Variants in CLEC16A observed in about 807,000 individuals in gnomAD.
CLEC16A encodes the protein C-type lectin domain containing 16A.
A neutral mutation model predicts 109.5 loss-of-function variants in CLEC16A; 51 were observed. The observed-to-expected ratio is 0.47, with a 90% CI of 0.37 to 0.59. CLEC16A has a LOEUF of 0.59. Among genes scored for constraint, CLEC16A ranks in the 20% least tolerant of loss-of-function variants. The probability of loss-of-function intolerance (pLI) is 0.00; values close to 1 mark genes in which losing one functional copy is unlikely to be tolerated. For missense variants in CLEC16A, 1,339 were observed against 1,394.0 expected (o/e 0.96, Z 0.63); for synonymous variants, 673 against 564.2 (o/e 1.19, Z -2.73).
chr16:11,050,706 C>G (rs564792717), intron 17 of CLEC16A, among the ~76,000 whole-genome samples: 12 of 152,204 alleles, frequency 7.9e-5, no homozygotes, highest in Admixed American at 2.6e-4. Flanking sequence ...GCCCAGTGGC[C>G]GTGGGCATGC....
chr16:10,992,811 C>T (rs1037116428), intron 10 of CLEC16A, among the ~76,000 whole-genome samples: 4 of 152,054 alleles, frequency 2.6e-5, no homozygotes, highest in African/African-American at 9.7e-5. Context: ...TAAGCCAGCT[C>T]ATCCTCACAA....
chr16:11,172,116 TCA>T (rs531581073), intron 23 of CLEC16A, among the ~76,000 whole-genome samples: 169 of 151,292 alleles, frequency 1.1e-3, no homozygotes, highest in African/African-American at 2.3e-3. Flanking sequence ...GCATGCATAG[TCA>T]CACACACATA....
At position 10,953,796 on chromosome 16, in the gene CLEC16A, G is replaced by A. The variant is rs79710991; in HGVS notation, c.81-3986G>A. On this transcript the variant is annotated intron_variant, in intron 1 of 23. Coordinates refer to ENST00000409790, the MANE Select transcript of CLEC16A (RefSeq NM_015226.3). ...TCGAGACCATCCTGGCTAATACAGT[G>A]AAACCCCATGTCTACTAAAAATACA... 4.8e-3 allele frequency among the ~76,000 whole-genome samples: 727 copies of A among 152,294 alleles called. 5 individuals are homozygous for A. The highest frequency in any genetic ancestry group is 0.017 in the African/African-American group (701 of 41,560).
intron 17 of CLEC16A, among the ~76,000 whole-genome samples, chr16:11,050,314 A>G (rs1597207118): frequency 6.6e-6 from 1 of 152,194 alleles, no homozygotes; most frequent in Admixed American, 6.5e-5. Context: ...TAAGTTTCCA[A>G]CACATGAACT....
chr16:11,073,284 C>T (rs1226274170), intron 19 of CLEC16A, among the ~76,000 whole-genome samples: 2 of 152,120 alleles, frequency 1.3e-5, no homozygotes, highest in Non-Finnish European at 2.9e-5. Flanking sequence ...CACAGGTAGA[C>T]ATTTAATGGA....
intron 19 of CLEC16A, among the ~76,000 whole-genome samples, chr16:11,102,052 A>G (rs191882472): frequency 7.9e-4 from 120 of 151,716 alleles, no homozygotes; most frequent in African/African-American, 2.7e-3. Flanking sequence ...GGCTTGAGCA[A>G]TCTGCCTACC....
At chr16:11,015,054 A>G (rs1567197216) in intron 11 of CLEC16A, among the ~76,000 whole-genome samples, 1 of 152,206 alleles carries the variant, frequency 6.6e-6, no homozygotes, top group Non-Finnish European at 1.5e-5. Context: ...AGCTTCAGGG[A>G]ATTGGCAGAC....
At chr16:11,050,641 T>G (rs2047888921) in intron 17 of CLEC16A, among the ~76,000 whole-genome samples, 1 of 152,238 alleles carries the variant, frequency 6.6e-6, no homozygotes, top group South Asian at 2.1e-4. Context: ...ACCCTGTGTC[T>G]TAGTCCTCAA....
chr16:10,996,049 C>T lies in CLEC16A; in HGVS notation c.1072-7025C>T, dbSNP rs535723856. 1.9e-4 allele frequency among the ~76,000 whole-genome samples: 29 copies of T among 152,248 alleles called. No individual in the cohort carries two copies. The South Asian group carries it at 3.9e-3, about 21-fold the overall frequency. ...GGTCTCTCTTTCCTTCGTGCTCAACCAAGATTCTTCCCTGGGCAGGCTGCC... is the reference window on the plus strand; with the variant it reads ...GGTCTCTCTTTCCTTCGTGCTCAACTAAGATTCTTCCCTGGGCAGGCTGCC... On this transcript the variant is annotated intron_variant, in intron 10 of 23. Transcript: ENST00000409790.
At chr16:11,078,297 A>G (rs574013891) in intron 19 of CLEC16A, among the ~76,000 whole-genome samples, 85 of 152,232 alleles carry the variant, frequency 5.6e-4, no homozygotes, top group African/African-American at 2.0e-3. Context: ...TGGGGCCCTG[A>G]CATCTATATT....
intron 10 of CLEC16A, among the ~76,000 whole-genome samples, chr16:11,000,356 A>G (rs1447521574): frequency 1.3e-5 from 2 of 152,116 alleles, no homozygotes; most frequent in East Asian, 1.9e-4. Flanking sequence ...GAGGGGTTCT[A>G]TATCTGTCTG....
At chr16:11,046,615 A>G (rs1003884536) in intron 16 of CLEC16A, among the ~76,000 whole-genome samples, 6 of 152,146 alleles carry the variant, frequency 3.9e-5, no homozygotes, top group Admixed American at 3.9e-4. Context: ...GCCTCCTCGC[A>G]TTTCATGTGC....
intron 18 of CLEC16A, among the ~76,000 whole-genome samples, chr16:11,056,295 T>C (rs2048210306): frequency 6.6e-6 from 1 of 152,198 alleles, no homozygotes; most frequent in African/African-American, 2.4e-5. Flanking sequence ...GGGTCTTGCC[T>C]CTCAGCTGTT....
intron 13 of CLEC16A, among the ~76,000 whole-genome samples, chr16:11,035,248 G>C (rs2046956245): frequency 6.6e-6 from 1 of 152,068 alleles, no homozygotes; most frequent in African/African-American, 2.4e-5. Flanking sequence ...TTTCTGTGTG[G>C]GTGATGGTTG....
chr16:11,053,402 C>G (rs560383384), intron 18 of CLEC16A, among the ~76,000 whole-genome samples: 62 of 151,590 alleles, frequency 4.1e-4, no homozygotes, highest in Non-Finnish European at 7.4e-4. Flanking sequence ...GGGTCCTGCT[C>G]TGTCACCCAG....
At chr16:11,066,035 G>A (rs537167837) in intron 19 of CLEC16A, among the ~76,000 whole-genome samples, 3 of 152,286 alleles carry the variant, frequency 2.0e-5, no homozygotes, top group South Asian at 2.1e-4. Context: ...GCAGCAGGGC[G>A]GCGAGGAGCA....
At chr16:11,115,971 A>G (rs899671463) in intron 19 of CLEC16A, among the ~76,000 whole-genome samples, 15 of 151,964 alleles carry the variant, frequency 9.9e-5, no homozygotes, top group South Asian at 4.1e-4. Context: ...TTGGCCTCCC[A>G]TAGTGCTGAG....
At chr16:10,975,593 C>G (rs959575960) in intron 7 of CLEC16A, among the ~76,000 whole-genome samples, 2 of 152,132 alleles carry the variant, frequency 1.3e-5, no homozygotes, top group African/African-American at 4.8e-5. Flanking sequence ...CATAGACATT[C>G]ATTATACTGT....
chr16:11,081,056 A>G (rs575186550), intron 19 of CLEC16A, among the ~76,000 whole-genome samples: 3 of 152,342 alleles, frequency 2.0e-5, no homozygotes, highest in Non-Finnish European at 2.9e-5. Context: ...GACACGCTGC[A>G]ATTGAGGAAG....
Sources: allele counts gnomAD v4.1 joint callset (sites outside exome capture counted in the v4.1 genomes callset), GRCh38; gene constraint gnomAD v4.1.1; transcripts MANE v1.5; gene names NCBI Gene and HGNC (gene_info 2026-07-23, HGNC 2026-07-21).